GPC5: variants seen among roughly 807,000 people sequenced by gnomAD.
GPC5 encodes the protein glypican 5, also known as glypican-5.
GPC5 carries 47 observed loss-of-function variants against 53.9 expected under a neutral mutation model. That is an observed-to-expected ratio of 0.87 (90% CI 0.69 to 1.11). The LOEUF (loss-of-function observed/expected upper bound fraction) is 1.11, where lower values mean the gene tolerates loss of function less well. Ranked by LOEUF, GPC5 falls within the 50% of genes most tolerant of loss-of-function variation. The pLI is 0.00. For missense variants in GPC5, 748 were observed against 713.1 expected (o/e 1.05, Z -0.56); for synonymous variants, 286 against 263.3 (o/e 1.09, Z -0.84).
intron 6 of GPC5, among the ~76,000 whole-genome samples, chr13:92,062,902 AG>A (rs2041136401): frequency 6.6e-6 from 1 of 152,030 alleles, no homozygotes; most frequent in Non-Finnish European, 1.5e-5. Context: ...CTGGAGATAC[AG>A]TTATGAGTCA....
At chr13:92,404,975 C>T (rs1293814611) in intron 7 of GPC5, among the ~76,000 whole-genome samples, 2 of 150,134 alleles carry the variant, frequency 1.3e-5, no homozygotes, top group African/African-American at 2.5e-5. Context: ...ATAAGGAAAC[C>T]GATCTTGCCA....
chr13:91,512,862 G>A (rs553415202), intron 2 of GPC5, among the ~76,000 whole-genome samples: 1 of 152,198 alleles, frequency 6.6e-6, no homozygotes, highest in South Asian at 2.1e-4. Flanking sequence ...TGTGATGTGT[G>A]TTTTAATCTA....
chr13:91,672,072 C>T (rs938519809), intron 2 of GPC5, among the ~76,000 whole-genome samples: 5 of 152,136 alleles, frequency 3.3e-5, no homozygotes, highest in African/African-American at 1.2e-4. Context: ...CACTTCCTTA[C>T]ACCTTATACA....
chr13:92,502,558 AAAAC>A (rs1175854134), intron 7 of GPC5, among the ~76,000 whole-genome samples: 1 of 152,048 alleles, frequency 6.6e-6, no homozygotes, highest in Non-Finnish European at 1.5e-5. Flanking sequence ...CACACGAACA[AAAAC>A]AAAGCTGGAG....
At chr13:92,501,942 A>C (rs1211420278) in intron 7 of GPC5, among the ~76,000 whole-genome samples, 1 of 152,136 alleles carries the variant, frequency 6.6e-6, no homozygotes, top group Non-Finnish European at 1.5e-5. Flanking sequence ...ATTGCTCTGA[A>C]AGAATTGCCA....
At chr13:92,308,176 C>A (rs183611426) in intron 7 of GPC5, among the ~76,000 whole-genome samples, 2 of 152,098 alleles carry the variant, frequency 1.3e-5, no homozygotes, top group East Asian at 3.8e-4. Flanking sequence ...TCCGGCAAAA[C>A]GATATGATGT....
At chr13:92,281,785 CA>C (rs1176556592) in intron 7 of GPC5, among the ~76,000 whole-genome samples, 1 of 152,126 alleles carries the variant, frequency 6.6e-6, no homozygotes, top group African/African-American at 2.4e-5. Context: ...GATAAAACCG[CA>C]AAGATGGGGA....
At chr13:92,749,603 A>G (rs1889329212) in intron 7 of GPC5, among the ~76,000 whole-genome samples, 1 of 152,172 alleles carries the variant, frequency 6.6e-6, no homozygotes, top group Non-Finnish European at 1.5e-5. Flanking sequence ...ATGTTTTTAA[A>G]GTATATATGA....
chr13:92,095,192 C>T (rs2041412497), intron 6 of GPC5, among the ~76,000 whole-genome samples: 1 of 152,070 alleles, frequency 6.6e-6, no homozygotes, highest in Non-Finnish European at 1.5e-5. Flanking sequence ...TATACATTCA[C>T]AGAGCAGGAA....
At chr13:91,680,822 T>C (rs1354733289) in intron 2 of GPC5, among the ~76,000 whole-genome samples, 7 of 152,194 alleles carry the variant, frequency 4.6e-5, no homozygotes, top group Non-Finnish European at 1.0e-4. Context: ...ATAGCTCTTT[T>C]CTATTAAGTG....
At chr13:91,805,844 C>G (rs2038210720) in intron 5 of GPC5, among the ~76,000 whole-genome samples, 1 of 152,014 alleles carries the variant, frequency 6.6e-6, no homozygotes, top group Admixed American at 6.6e-5. Flanking sequence ...CTAAGAATAT[C>G]TCTCTTATAT....
intron 5 of GPC5, among the ~76,000 whole-genome samples, chr13:91,886,270 A>G (rs2039321196): frequency 1.3e-5 from 2 of 152,140 alleles, no homozygotes; most frequent in Non-Finnish European, 2.9e-5. Context: ...TGTGAGACTT[A>G]TTCACTATCA....
chr13:92,478,110 C>A (rs192759067), intron 7 of GPC5, among the ~76,000 whole-genome samples: 11 of 152,068 alleles, frequency 7.2e-5, no homozygotes, highest in Non-Finnish European at 1.3e-4. Flanking sequence ...TGAGTCATCC[C>A]CATGATCACG....
At chr13:91,450,898 T>C (rs1881132327) in intron 2 of GPC5, among the ~76,000 whole-genome samples, 1 of 152,294 alleles carries the variant, frequency 6.6e-6, no homozygotes, top group African/African-American at 2.4e-5. Context: ...AATTCACTTA[T>C]AAGAATACCC....
intron 5 of GPC5, among the ~76,000 whole-genome samples, chr13:91,775,929 A>G (rs1357388943): frequency 6.6e-6 from 1 of 152,232 alleles, no homozygotes; most frequent in African/African-American, 2.4e-5. Flanking sequence ...AGCAGGCACC[A>G]TGAGCATCAT....
intron 2 of GPC5, among the ~76,000 whole-genome samples, chr13:91,587,964 A>G (rs897736154): frequency 3.9e-5 from 6 of 152,158 alleles, no homozygotes; most frequent in African/African-American, 1.2e-4. Flanking sequence ...AGTACTCATA[A>G]TGTGGAACCT....
intron 7 of GPC5, among the ~76,000 whole-genome samples, chr13:92,630,413 A>T (rs9556197): frequency 6.6e-6 from 1 of 152,192 alleles, no homozygotes; most frequent in South Asian, 2.1e-4. Flanking sequence ...TTATTAGCAC[A>T]TTATTATTTT....
At chr13:92,005,492 T>C (rs1257880454) in intron 6 of GPC5, among the ~76,000 whole-genome samples, 1 of 152,186 alleles carries the variant, frequency 6.6e-6, no homozygotes, top group African/African-American at 2.4e-5. Context: ...ACAGACGTCA[T>C]AGAAGGGACT....
At chr13:92,679,209 C>A (rs1217329306) in intron 7 of GPC5, among the ~76,000 whole-genome samples, 1 of 152,170 alleles carries the variant, frequency 6.6e-6, no homozygotes, top group Non-Finnish European at 1.5e-5. Context: ...ATATTTCAAG[C>A]ATCATGCTAG....
Sources: allele counts gnomAD v4.1 joint callset (sites outside exome capture counted in the v4.1 genomes callset), GRCh38; gene constraint gnomAD v4.1.1; transcripts MANE v1.5; gene names NCBI Gene and HGNC (gene_info 2026-07-23, HGNC 2026-07-21).